SPG7: variants seen among roughly 807,000 people sequenced by gnomAD.
SPG7 encodes SPG7 matrix AAA peptidase subunit, paraplegin.
In SPG7, 103 loss-of-function variants were observed where a neutral mutation model predicts 81.9. The ratio of observed to expected loss-of-function variants is 1.26; its 90% CI spans 1.07 to 1.48. SPG7 has a LOEUF of 1.48. Among genes scored for constraint, SPG7 ranks in the 40% most tolerant of loss-of-function variants. The pLI, the probability that SPG7 is intolerant of heterozygous loss-of-function variation, is 0.00. For missense variants in SPG7, 1,241 were observed against 1,087.3 expected, an observed-to-expected ratio of 1.14 and a Z score of -1.99; for synonymous variants, 534 against 444.2, an observed-to-expected ratio of 1.20 and a Z score of -2.54.
chr16:89,546,265 T>A (rs2058562010), intron 10 of SPG7: 2 of 317,766 alleles, frequency 6.3e-6, no homozygotes, highest in Admixed American at 9.0e-5. Flanking sequence ...TTTTGTATTT[T>A]AGTAGGGATG....
chr16:89,514,430 C>A (rs1317782854), intron 3 of SPG7: 1 of 150,476 alleles, frequency 6.6e-6, no homozygotes, highest in Non-Finnish European at 1.5e-5. Flanking sequence ...AAGCAATTCT[C>A]CTGCCTCAGC....
chr16:89,534,292 T>G (rs973382391), intron 9 of SPG7, among the ~76,000 whole-genome samples: 6 of 152,168 alleles, frequency 3.9e-5, no homozygotes, highest in African/African-American at 1.4e-4. Context: ...TTCAAGCACA[T>G]AACATCTCTA....
In SPG7 at chr16:89,532,505, G is replaced by T. The variant is rs771782004; in HGVS notation, c.1193G>T (p.Arg398Leu). 61 of 1,613,490 alleles carry T rather than the reference G, an allele frequency of 3.8e-5. No homozygotes were observed. The highest frequency in any genetic ancestry group is 3.3e-4 in the Middle Eastern group (2 of 6,084). ...GTGCGGAGCCTCTTTAAGGAAGCCC[G>T]AGCCCGGGCCCCCTGCATCGTCTAC... is the stretch of plus-strand genomic sequence containing the variant. Reference protein sequence around the residue: ...ARVRSLFKEARARAPCIVYID... With the variant: ...ARVRSLFKEALARAPCIVYID... The change falls in exon 9 of 17, where the codon CGA becomes CTA. Residue 398 changes from arginine (R) to leucine (L), a missense_variant. By Grantham distance (102) the Arg-to-Leu change is moderately radical (BLOSUM62 -2). Coordinates refer to ENST00000645818, the MANE Select transcript of SPG7 (RefSeq NM_003119.4).
Position 89,523,741 on chromosome 16 carries a change from T to C in SPG7, c.377-265T>C, listed in dbSNP as rs1430677321. 6.8e-6 allele frequency: 4 copies of C among 586,788 alleles called. No individual in the cohort carries two copies. The Admixed American group carries it at 9.0e-5, about 13-fold the overall frequency. 36.3% of individuals were successfully genotyped at this position (586,788 alleles called of 1,614,324 possible). A position where few individuals can be genotyped will look rare whatever the true frequency, so the allele number is the denominator to read the frequency against. ...TTGTGCCCAGGTCTAAGTGTTTCGA[T>C]TTAGAAATGGTTTCCTCTTAGGTGG... On this transcript the variant is annotated intron_variant, in intron 3 of 16. Transcript: ENST00000645818.
At chr16:89,555,174 C>T (rs910968071) in intron 16 of SPG7, 2 of 153,504 alleles carry the variant, frequency 1.3e-5, no homozygotes, top group Non-Finnish European at 2.9e-5. Context: ...CTCCACCTCC[C>T]CAGTTCAAGC....
chr16:89,530,566 G>A, intron 6 of SPG7, 117 bp from the exon 7 acceptor site: 2 of 1,150,606 alleles, frequency 1.7e-6, no homozygotes, highest in South Asian at 2.5e-5. Flanking sequence ...GAAGCCTTGG[G>A]ATCCTAGGAT....
At chr16:89,534,946 G>C (rs2058392949) in intron 9 of SPG7, among the ~76,000 whole-genome samples, 1 of 152,164 alleles carries the variant, frequency 6.6e-6, no homozygotes, top group Non-Finnish European at 1.5e-5. Flanking sequence ...GTGTTGTCCA[G>C]GTTGGTCTTG....
At position 89,524,143 on chromosome 16, in the gene SPG7, C is replaced by A; in HGVS notation, c.514C>A (p.His172Asn). 4 of 1,614,104 alleles carry A rather than the reference C, an allele frequency of 2.5e-6. No individual in the cohort carries two copies. The highest frequency in any genetic ancestry group is 3.4e-6 in the Non-Finnish European group (4 of 1,180,042). Residue 172 changes from histidine to asparagine, a missense_variant, in exon 4 of 17, where the codon CAC becomes AAC. By Grantham distance (68) the His-to-Asn change is moderately conservative. Coordinates refer to ENST00000645818, the MANE Select transcript of SPG7 (RefSeq NM_003119.4). ...CAGCATTTCCTGGAACGACTTTGTC[C>A]ACGAGATGCTGGCCAAGGGCGAGGT... ...GGSISWNDFV[H>N]EMLAKGEVQR...
intron 9 of SPG7, chr16:89,544,423 G>A (rs1198470486): frequency 3.5e-5 from 19 of 536,580 alleles, no homozygotes; most frequent in Admixed American, 5.2e-5. Flanking sequence ...GGACAGTTCT[G>A]CTGTTTGCAC....
In SPG7 at chr16:89,524,686, C is replaced by T. The variant is rs149994969; in HGVS notation, c.618+439C>T. Among the ~76,000 whole-genome samples the T allele has an allele frequency of 3.2e-3, 492 of 152,262 alleles. 1 individual carries two copies. Among genetic ancestry groups the T allele is most frequent in the African/African-American group, 0.011 (472 of 41,548 alleles). ...TCTCGAACTCCTGACCTCAGGTGAT[C>T]TGCCCACCTTGACCTCCCAAAGTGC... On this transcript the variant is annotated intron_variant, in intron 4 of 16. Coordinates refer to ENST00000645818, the MANE Select transcript of SPG7 (RefSeq NM_003119.4).
chr16:89,545,893 C>A (rs1433815652), intron 10 of SPG7: 2 of 444,592 alleles, frequency 4.5e-6, no homozygotes, highest in South Asian at 3.2e-5. Context: ...TGCGCTGTCA[C>A]CCAGGCTGGA....
rs1260454639 is a variant in SPG7 at position 89,536,632 on chromosome 16, TGAGGCGGGC to T, written c.1324+4001_1324+4009del. ...GGTGGGTGAGGCGGGTGAGGGCGGGTGAGGCGGGCGAGGTGGGCGAGGCAGGCGAGGCGG... is the reference window on the plus strand; with the variant it reads ...GGTGGGTGAGGCGGGTGAGGGCGGGTGAGGTGGGCGAGGCAGGCGAGGCGG... On this transcript the variant is annotated intron_variant, in intron 9 of 16. Coordinates refer to ENST00000645818, the MANE Select transcript of SPG7 (RefSeq NM_003119.4). The T allele has an allele frequency of 2.3e-4, 222 of 959,320 alleles. 3 individuals are homozygous for T. The African/African-American group carries it at 4.3e-3, about 18-fold the overall frequency. 59.4% of individuals were successfully genotyped at this position (959,320 alleles called of 1,614,324 possible).
chr16:89,511,283 T>C (rs2058018426), intron 2 of SPG7, among the ~76,000 whole-genome samples: 1 of 152,210 alleles, frequency 6.6e-6, no homozygotes, highest in Non-Finnish European at 1.5e-5. Context: ...ACACAATCAC[T>C]AAAAATACCC....
intron 9 of SPG7, chr16:89,543,073 G>C (rs2058517248): frequency 6.6e-6 from 1 of 151,152 alleles, no homozygotes; most frequent in East Asian, 2.0e-4. Flanking sequence ...TCAGCCTCCG[G>C]AGTAGCTGGG....
chr16:89,546,686 T>G lies in SPG7; in HGVS notation c.1478T>G (p.Leu493Arg). The change falls in exon 11 of 17, where the codon CTG (leucine) becomes CGG (arginine). Residue 493 changes from leucine to arginine, a missense_variant. Leu to Arg is a moderately radical substitution (Grantham distance 102, BLOSUM62 -2). Transcript: ENST00000645818. ...QERREIFEQH[L>R]KSLKLTQSST... ...AGGCGGGAGATTTTTGAGCAGCACC[T>G]GAAGAGCCTGAAGCTGACCCAGTCC... 1 of 1,613,344 alleles carries G rather than the reference T, an allele frequency of 6.2e-7. No individual in the cohort carries two copies. Among genetic ancestry groups the G allele is most frequent in the Non-Finnish European group, 8.5e-7 (1 of 1,179,524 alleles).
Position 89,508,619 on chromosome 16 carries a change from C to G in SPG7, c.183+19C>G. On this transcript the variant is annotated intron_variant, in intron 1 of 16. Coordinates refer to ENST00000645818, the MANE Select transcript of SPG7 (RefSeq NM_003119.4). ...TCTGCAGGTAAATCCCCGCGGAGTC[C>G]GGGCCCCACCTCCCGCCCGGCTCTG... 6.9e-7 allele frequency: 1 copy of G among 1,439,368 alleles called. No homozygotes were observed. Among genetic ancestry groups the G allele is most frequent in the Non-Finnish European group, 9.1e-7 (1 of 1,101,908 alleles). 89.2% of individuals were successfully genotyped at this position (1,439,368 alleles called of 1,614,324 possible). A position where few individuals can be genotyped will look rare whatever the true frequency, so the allele number is the denominator to read the frequency against.
intron 11 of SPG7, chr16:89,547,362 A>T (rs111850673): frequency 2.8e-5 from 5 of 178,246 alleles, no homozygotes; most frequent in Admixed American, 2.7e-4. Flanking sequence ...GTGTGGAACT[A>T]ACTGCCCTTG....
At chr16:89,553,205 T>G (rs1391158731) in intron 14 of SPG7, 70 bp downstream of exon 14, 10 of 1,415,448 alleles carry the variant, frequency 7.1e-6, no homozygotes, top group Non-Finnish European at 8.8e-6. Context: ...TCTGTTCCAG[T>G]GCATGCCATG....
chr16:89,547,958 T>G, intron 11 of SPG7, 45 bp from the exon 12 acceptor site: 1 of 1,462,498 alleles, frequency 6.8e-7, no homozygotes, highest in Non-Finnish European at 9.6e-7. Flanking sequence ...TAAGCCCTGA[T>G]AGCAGAAACC....
Sources: gnomAD v4.1 joint callset for allele counts (sites outside exome capture counted in the v4.1 genomes callset) on GRCh38, gnomAD v4.1.1 for gene constraint, MANE v1.5 for transcripts, NCBI Gene and HGNC (gene_info 2026-07-23, HGNC 2026-07-21) for gene names.